Variants in PRKAR1A observed in about 807,000 individuals in gnomAD.
PRKAR1A encodes the protein protein kinase cAMP-dependent type I regulatory subunit alpha.
PRKAR1A carries 3 observed loss-of-function variants against 52.0 expected under a neutral mutation model. The observed-to-expected ratio is 0.06, with a 90% CI of 0.03 to 0.15. The LOEUF (loss-of-function observed/expected upper bound fraction) is 0.15, where lower values mean the gene tolerates loss of function less well. Among genes scored for constraint, PRKAR1A ranks in the 10% least tolerant of loss-of-function variants. The pLI is 1.00. For synonymous variants in PRKAR1A, 188 were observed against 168.4 expected (o/e 1.12, Z -0.90); for missense variants, 240 against 477.4 (o/e 0.50, Z 4.63).
the PRKAR1A span, among the ~76,000 whole-genome samples, chr17:68,468,976 T>C: frequency 6.6e-6 from 1 of 152,196 alleles, no homozygotes; most frequent in South Asian, 2.1e-4. Context: ...GTGACCCTTG[T>C]CTGACCTTAT....
At chr17:68,450,109 G>A in the PRKAR1A span, among the ~76,000 whole-genome samples, 3 of 152,108 alleles carry the variant, frequency 2.0e-5, no homozygotes, top group South Asian at 4.1e-4. Context: ...TATTTTAAAA[G>A]AGAACATATT....
the PRKAR1A span, among the ~76,000 whole-genome samples, chr17:68,440,406 G>A: frequency 1.8e-4 from 27 of 152,262 alleles, no homozygotes; most frequent in East Asian, 4.6e-3. Flanking sequence ...GTTACACAAA[G>A]CCTTTTTAAG....
the PRKAR1A span, chr17:68,440,851 CA>C: frequency 2.0e-5 from 3 of 152,204 alleles, no homozygotes; most frequent in Non-Finnish European, 1.5e-5. Flanking sequence ...TTATAAAATG[CA>C]GTTCCCTCTG....
chr17:68,522,691 GA>G, intron 2 of PRKAR1A, 64 bp from the exon 3 acceptor site: 2 of 1,532,244 alleles, frequency 1.3e-6, no homozygotes, highest in East Asian at 4.5e-5. Context: ...ACTATCATTG[GA>G]ACATGAGAGT....
the PRKAR1A span, among the ~76,000 whole-genome samples, chr17:68,453,832 C>T: frequency 6.6e-6 from 1 of 152,134 alleles, no homozygotes; most frequent in Non-Finnish European, 1.5e-5. Context: ...TTAATAGATG[C>T]TTCCTTTCAT....
chr17:68,460,214 T>C, the PRKAR1A span, among the ~76,000 whole-genome samples: 9 of 152,178 alleles, frequency 5.9e-5, no homozygotes, highest in African/African-American at 1.9e-4. Flanking sequence ...ACATTTTAAG[T>C]GTTCATGTAG....
intron 9 of PRKAR1A, 55 bp from the exon 10 acceptor site, chr17:68,529,865 C>T (rs1441486526): frequency 6.5e-7 from 1 of 1,540,900 alleles, no homozygotes; most frequent in Admixed American, 1.7e-5. Context: ...GTTTAAGGTG[C>T]CACCCTGGGT....
At chr17:68,499,358 A>G in the PRKAR1A span, among the ~76,000 whole-genome samples, 2 of 139,512 alleles carry the variant, frequency 1.4e-5, no homozygotes, top group African/African-American at 5.3e-5. Flanking sequence ...ATGGAAGTAG[A>G]AGGGAGGAAA....
chr17:68,429,399 C>A, the PRKAR1A span, among the ~76,000 whole-genome samples: 2 of 152,030 alleles, frequency 1.3e-5, no homozygotes, highest in Non-Finnish European at 2.9e-5. Flanking sequence ...CATAGGAGTC[C>A]GAACCTAGAA....
At position 68,525,928 on chromosome 17, in the gene PRKAR1A, G is replaced by A. The variant is rs2143324837; in HGVS notation, c.708+16G>A. 1 of 1,613,068 alleles carries A rather than the reference G, an allele frequency of 6.2e-7. No homozygotes were observed. The highest frequency in any genetic ancestry group is 8.5e-7 in the Non-Finnish European group (1 of 1,179,330). On this transcript the variant is annotated intron_variant, in intron 7 of 10. Coordinates refer to ENST00000589228, the MANE Select transcript of PRKAR1A (RefSeq NM_002734.5). The stretch of plus-strand genomic sequence containing the variant: ...AATCCTCATGGTAAGAGACCATGGT[G>A]TTTGAGAGTGTGATTTAGAATTCTC...
At chr17:68,416,145 A>G in the PRKAR1A span, among the ~76,000 whole-genome samples, 1 of 152,146 alleles carries the variant, frequency 6.6e-6, no homozygotes, top group Non-Finnish European at 1.5e-5. Context: ...TTATGCTTTA[A>G]AGAGGTTCCA....
the PRKAR1A span, among the ~76,000 whole-genome samples, chr17:68,485,782 A>G: frequency 6.6e-5 from 10 of 152,194 alleles, no homozygotes; most frequent in Non-Finnish European, 1.2e-4. Context: ...TCTGTTGCCC[A>G]GGCTGGAGTG....
rs906792021 is a variant in PRKAR1A at position 68,523,829 on chromosome 17, T to G, written c.440+13T>G. On this transcript the variant is annotated intron_variant, in intron 4 of 10. Transcript: ENST00000589228. ...ATAATGAGAGAAGGTAGGAACAGGCTCTTTCTTAACACTATTTTTCAAGTA... is the reference window on the plus strand; with the variant it reads ...ATAATGAGAGAAGGTAGGAACAGGCGCTTTCTTAACACTATTTTTCAAGTA... 1 of 1,611,208 alleles carries G rather than the reference T, an allele frequency of 6.2e-7. No homozygotes were observed. Among genetic ancestry groups the G allele is most frequent in the South Asian group, 1.1e-5 (1 of 90,996 alleles).
chr17:68,533,525 T>C (rs906883781), downstream of PRKAR1A: 3 of 727,976 alleles, frequency 4.1e-6, no homozygotes, highest in African/African-American at 1.9e-5. Flanking sequence ...TTTTTAATGA[T>C]TTAAATATTG....
chr17:68,472,057 G>T, the PRKAR1A span, among the ~76,000 whole-genome samples: 5 of 152,170 alleles, frequency 3.3e-5, no homozygotes, highest in Non-Finnish European at 7.3e-5. Flanking sequence ...GCCCGCCTGG[G>T]CCTCCCAATG....
At chr17:68,432,958 T>G in the PRKAR1A span, among the ~76,000 whole-genome samples, 1 of 152,328 alleles carries the variant, frequency 6.6e-6, no homozygotes, top group East Asian at 1.9e-4. Context: ...ATTTTATCCA[T>G]TTTTTAGGCT....
At chr17:68,487,198 A>G in the PRKAR1A span, among the ~76,000 whole-genome samples, 59 of 152,346 alleles carry the variant, frequency 3.9e-4, no homozygotes, top group African/African-American at 1.2e-3. Context: ...TAAGACATTC[A>G]TGTACACACA....
At chr17:68,445,683 AG>A in the PRKAR1A span, among the ~76,000 whole-genome samples, 4 of 152,214 alleles carry the variant, frequency 2.6e-5, no homozygotes, top group South Asian at 8.3e-4. Flanking sequence ...AACAGGCCAC[AG>A]GGTTGATGTA....
At chr17:68,463,201 G>T in the PRKAR1A span, among the ~76,000 whole-genome samples, 1 of 152,110 alleles carries the variant, frequency 6.6e-6, no homozygotes, top group Non-Finnish European at 1.5e-5. Flanking sequence ...TAGGATGGTT[G>T]GGGGGACACC....
Sources: gnomAD v4.1 joint callset for allele counts (sites outside exome capture counted in the v4.1 genomes callset) on GRCh38, gnomAD v4.1.1 for gene constraint, MANE v1.5 for transcripts, NCBI Gene and HGNC (gene_info 2026-07-23, HGNC 2026-07-21) for gene names.